Variants in ZCCHC10 observed in about 807,000 individuals in gnomAD.
The protein encoded by ZCCHC10 is zinc finger CCHC domain-containing protein 10.
Under a neutral mutation model 19.5 loss-of-function variants are expected in ZCCHC10, and 16 were observed. The observed-to-expected ratio is 0.82, with a 90% CI of 0.56 to 1.25. ZCCHC10 has a LOEUF of 1.25. Among genes scored for constraint, ZCCHC10 ranks in the 50% most tolerant of loss-of-function variants. ZCCHC10 has a pLI of 0.00. For synonymous variants in ZCCHC10, 67 were observed against 72.5 expected (o/e 0.92, Z 0.38); for missense variants, 197 against 201.0 (o/e 0.98, Z 0.12).
At chr5:133,015,918 T>C (rs1030359658) in intron 2 of ZCCHC10, among the ~76,000 whole-genome samples, 1 of 152,248 alleles carries the variant, frequency 6.6e-6, no homozygotes, top group Non-Finnish European at 1.5e-5. Context: ...AAATATTTAG[T>C]TCCTTTATTC....
chr5:133,012,421 T>C (rs1763615459), intron 2 of ZCCHC10, among the ~76,000 whole-genome samples: 2 of 147,942 alleles, frequency 1.4e-5, no homozygotes, highest in African/African-American at 5.0e-5. Context: ...TGAGTCAAGA[T>C]CACACAACTG....
intron 2 of ZCCHC10, among the ~76,000 whole-genome samples, chr5:133,019,916 C>T (rs1467817036): frequency 6.8e-6 from 1 of 147,318 alleles, no homozygotes; most frequent in African/African-American, 2.6e-5. Context: ...CGTGCCTCTG[C>T]ACTCTAGCCT....
intron 2 of ZCCHC10, among the ~76,000 whole-genome samples, chr5:133,014,245 C>T (rs967744563): frequency 1.3e-4 from 19 of 151,432 alleles, no homozygotes; most frequent in Admixed American, 5.3e-4. Flanking sequence ...CTACAACCTC[C>T]GCCTCCCAGG....
chr5:133,001,525 G>C (rs1249694161), intron 3 of ZCCHC10, among the ~76,000 whole-genome samples: 1 of 151,604 alleles, frequency 6.6e-6, no homozygotes, highest in Non-Finnish European at 1.5e-5. Context: ...GCAGTGGCAT[G>C]ATCTTGGCTT....
At chr5:133,006,096 T>C (rs1479397225) in intron 3 of ZCCHC10, among the ~76,000 whole-genome samples, 1 of 146,728 alleles carries the variant, frequency 6.8e-6, no homozygotes, top group African/African-American at 2.5e-5. Flanking sequence ...GTGATTCTCT[T>C]GCCTCAGCCT....
chr5:133,013,550 C>A (rs192493004), intron 2 of ZCCHC10, among the ~76,000 whole-genome samples: 7 of 151,614 alleles, frequency 4.6e-5, no homozygotes, highest in Non-Finnish European at 1.0e-4. Context: ...AGTGAAACCT[C>A]GTCTCTACTA....
At chr5:133,008,224 C>CAAAAAA (rs1226503517) in intron 2 of ZCCHC10, among the ~76,000 whole-genome samples, 2 of 68,652 alleles carry the variant, frequency 2.9e-5, no homozygotes, top group Non-Finnish European at 5.7e-5. Flanking sequence ...GACTCTGTCT[C>CAAAAAA]AAAAAAAAAA....
chr5:133,015,269 G>T (rs977830078), intron 2 of ZCCHC10, among the ~76,000 whole-genome samples: 1 of 151,968 alleles, frequency 6.6e-6, no homozygotes, highest in African/African-American at 2.4e-5. Flanking sequence ...AGCAGATACA[G>T]GGTTTCACCA....
intron 2 of ZCCHC10, among the ~76,000 whole-genome samples, chr5:133,009,562 T>C (rs7708209): frequency 0.36 from 51,511 of 142,568 alleles, 10,695 homozygotes; most frequent in African/African-American, 0.6. Context: ...TGCGGTGAGC[T>C]GAGATCATGC....
intron 3 of ZCCHC10, among the ~76,000 whole-genome samples, chr5:133,004,519 GCT>G (rs202238955): frequency 0.02 from 3,082 of 150,466 alleles, 109 homozygotes; most frequent in African/African-American, 0.071. Flanking sequence ...ACGGAGTCTC[GCT>G]CTGTCACCCG....
At position 132,998,557 on chromosome 5, in the gene ZCCHC10, A is replaced by T. The variant is rs776930059; in HGVS notation, c.*26T>A. The T allele has an allele frequency of 2.5e-5, 40 of 1,594,066 alleles. No homozygotes were observed. The highest frequency in any genetic ancestry group is 5.4e-5 in the African/African-American group (4 of 74,534). Reference sequence around the variant, plus strand: ...AGAATCACATCAATGTTTTCAGTCCATCAGTCCAATATGAATGGAGCAACT... The same window carrying T: ...AGAATCACATCAATGTTTTCAGTCCTTCAGTCCAATATGAATGGAGCAACT... On this transcript the variant is annotated 3_prime_UTR_variant, in exon 5 of 5. Coordinates refer to ENST00000509437, the MANE Select transcript of ZCCHC10 (RefSeq NM_001300816.3).
At chr5:133,008,261 C>T (rs1763263528) in intron 2 of ZCCHC10, among the ~76,000 whole-genome samples, 2 of 147,850 alleles carry the variant, frequency 1.4e-5, no homozygotes, top group African/African-American at 2.5e-5. Flanking sequence ...AAAATCAGGC[C>T]GGGAGCAGTG....
intron 3 of ZCCHC10, chr5:133,003,231 G>T: frequency 5.0e-6 from 2 of 401,008 alleles, no homozygotes; most frequent in South Asian, 4.2e-5. Flanking sequence ...CTCTGACATT[G>T]TTCAATCCAG....
At position 132,997,998 on chromosome 5, in the gene ZCCHC10, C is replaced by T. The variant is rs1384622985; in HGVS notation, c.*585G>A. 3.3e-5 allele frequency: 5 copies of T among 151,996 alleles called. No homozygotes were observed. Among genetic ancestry groups the T allele is most frequent in the Non-Finnish European group, 7.4e-5 (5 of 68,012 alleles). 9.4% of individuals were successfully genotyped at this position (151,996 alleles called of 1,614,324 possible). On this transcript the variant is annotated 3_prime_UTR_variant, in exon 5 of 5. Coordinates refer to ENST00000509437, the MANE Select transcript of ZCCHC10 (RefSeq NM_001300816.3). ...TAAGGAACCAGAAGAAAATGAATGA[C>T]GTAACACAGCAATTTGAAACTTACA...
intron 2 of ZCCHC10, among the ~76,000 whole-genome samples, chr5:133,021,553 C>T (rs1324619293): frequency 1.3e-5 from 2 of 152,104 alleles, no homozygotes; most frequent in South Asian, 2.1e-4. Context: ...CAGCTGAAAT[C>T]GCAGCAGCTT....
At chr5:133,026,154 G>A (rs545359781) in intron 1 of ZCCHC10, among the ~76,000 whole-genome samples, 1 of 152,302 alleles carries the variant, frequency 6.6e-6, no homozygotes, top group Admixed American at 6.5e-5. Context: ...TAAAGGTGTC[G>A]GACCGGGGCT....
At chr5:133,021,347 T>TA (rs1764299995) in intron 2 of ZCCHC10, among the ~76,000 whole-genome samples, 1 of 152,150 alleles carries the variant, frequency 6.6e-6, no homozygotes, top group Non-Finnish European at 1.5e-5. Flanking sequence ...CTAAAATTTT[T>TA]AAAAAACACT....
intron 2 of ZCCHC10, among the ~76,000 whole-genome samples, chr5:133,020,167 C>T (rs547369622): frequency 6.6e-6 from 1 of 151,854 alleles, no homozygotes; most frequent in East Asian, 2.0e-4. Context: ...CCTGCCTGTA[C>T]AAAAAATAAA....
intron 2 of ZCCHC10, among the ~76,000 whole-genome samples, chr5:133,013,685 G>A (rs1183290030): frequency 6.6e-6 from 1 of 151,990 alleles, no homozygotes; most frequent in Non-Finnish European, 1.5e-5. Flanking sequence ...TTGCGCCACT[G>A]CATTCCAGCC....
Sources: gnomAD v4.1 joint callset for allele counts (sites outside exome capture counted in the v4.1 genomes callset) on GRCh38, gnomAD v4.1.1 for gene constraint, MANE v1.5 for transcripts, NCBI Gene and HGNC (gene_info 2026-07-23, HGNC 2026-07-21) for gene names.